Variants in USP31 observed in about 807,000 individuals in gnomAD.
USP31 encodes the protein ubiquitin carboxyl-terminal hydrolase 31.
Under a neutral mutation model 119.4 loss-of-function variants are expected in USP31, and 44 were observed. The ratio of observed to expected loss-of-function variants is 0.37; its 90% CI spans 0.29 to 0.47. USP31 has a LOEUF of 0.47. Ranked by LOEUF, USP31 falls within the 20% of genes least tolerant of loss-of-function variation. The pLI, the probability that USP31 is intolerant of heterozygous loss-of-function variation, is 0.99. For synonymous variants in USP31, 749 were observed against 705.6 expected, an observed-to-expected ratio of 1.06 and a Z score of -0.97; for missense variants, 1,643 against 1,730.2, an observed-to-expected ratio of 0.95 and a Z score of 0.89.
intron 1 of USP31, among the ~76,000 whole-genome samples, chr16:23,131,166 T>C (rs1422533623): frequency 5.3e-5 from 8 of 152,072 alleles, no homozygotes; most frequent in Admixed American, 4.6e-4. Context: ...TATCCAGGCA[T>C]GGTAGTGTGC....
At chr16:23,075,714 T>A (rs557736234) in intron 13 of USP31, among the ~76,000 whole-genome samples, 1 of 152,370 alleles carries the variant, frequency 6.6e-6, no homozygotes, top group African/African-American at 2.4e-5. Context: ...GGCACTGTTC[T>A]AGAATCCTTA....
rs766874067 is a variant in USP31, at chr16:23,108,181, A to C, written c.636T>G (p.Thr212=). The C allele has an allele frequency of 1.2e-6, 2 of 1,608,084 alleles. No homozygotes were observed. The highest frequency in any genetic ancestry group is 3.4e-5 in the Admixed American group (2 of 58,762). ...ACTGCAGTGCATTCTTTGACACAAT[A>C]GTCTATGCAGGTAAATAAATCACCA... ...YTPQHSRDFK[T]IVSKNALQYR... The change falls in exon 2 of 16, where the codon ACT becomes ACG. Residue 212 remains threonine, a splice_region_variant and synonymous_variant. Coordinates refer to ENST00000219689, the MANE Select transcript of USP31 (RefSeq NM_020718.4).
Position 23,066,464 on chromosome 16 carries a change from TGTA to T in USP31, c.*1579_*1581del. 1 of 152,464 alleles carries T rather than the reference TGTA, an allele frequency of 6.6e-6. No individual in the cohort carries two copies. The highest frequency in any genetic ancestry group is 6.5e-5 in the Admixed American group (1 of 15,296). The allele number at this position is 152,464 out of a possible 1,614,324, so 9.4% of individuals were successfully genotyped here. On this transcript the variant is annotated 3_prime_UTR_variant, in exon 16 of 16. Transcript: ENST00000219689. Reference sequence around the variant, plus strand: ...TTCACAGCTATGCATGCATATGTGTTGTAGTTAATTCACACACAGCAATACTGA... The same window carrying T: ...TTCACAGCTATGCATGCATATGTGTTGTTAATTCACACACAGCAATACTGA...
intron 5 of USP31, among the ~76,000 whole-genome samples, chr16:23,104,796 T>C (rs1902023508): frequency 6.6e-6 from 1 of 152,208 alleles, no homozygotes; most frequent in Non-Finnish European, 1.5e-5. Flanking sequence ...AAAATAATAA[T>C]AGTAAATTGA....
chr16:23,084,862 G>A lies in USP31; in HGVS notation c.1828C>T (p.Arg610Trp), dbSNP rs769167013. Residue 610 changes from arginine (R) to tryptophan (W), a missense_variant and splice_region_variant, in exon 11 of 16, where the codon CGG (arginine) becomes TGG (tryptophan). Around this residue, in one of 5 missense-constraint regions of USP31, gnomAD observed 279 missense variants for 372.2 expected, o/e 0.75. Coordinates refer to ENST00000219689, the MANE Select transcript of USP31 (RefSeq NM_020718.4). ...AGAAATGCTGCCCAGTCTCTTACCC[G>A]CTCCTCTTTGGTGTACAGTTGGAAA... ...QCFQLYTKEE[R>W]LAPDDAWRCP... 42 of 1,613,560 alleles carry A rather than the reference G, an allele frequency of 2.6e-5. No individual in the cohort carries two copies. In the Admixed American group the frequency reaches 3.3e-4, roughly 13 times the overall value.
At chr16:23,111,422 A>G (rs1201590194) in intron 1 of USP31, among the ~76,000 whole-genome samples, 1 of 152,160 alleles carries the variant, frequency 6.6e-6, no homozygotes, top group East Asian at 1.9e-4. Context: ...ACCCTGCATC[A>G]AGACAGAAAA....
rs377654817 is a variant in USP31, at chr16:23,146,714, G to A, written c.633+1924C>T. 3.5e-4 allele frequency among the ~76,000 whole-genome samples: 53 copies of A among 152,136 alleles called. 1 individual carries two copies. In the East Asian group the frequency reaches 9.5e-3, roughly 27 times the overall value. On this transcript the variant is annotated intron_variant, in intron 1 of 15. Coordinates refer to ENST00000219689, the MANE Select transcript of USP31 (RefSeq NM_020718.4). ...TATTAAACGGGGAGAGATGCACACT[G>A]GCCATGTAGTTCGTCAGCAAGAAAG...
chr16:23,110,970 T>C (rs1902297050), intron 1 of USP31, among the ~76,000 whole-genome samples: 1 of 151,826 alleles, frequency 6.6e-6, no homozygotes, highest in Non-Finnish European at 1.5e-5. Context: ...CTACTAAAAA[T>C]ACAAAAAATT....
chr16:23,070,557 CA>C (rs1160823617), intron 15 of USP31, among the ~76,000 whole-genome samples: 3 of 151,806 alleles, frequency 2.0e-5, no homozygotes, highest in Non-Finnish European at 4.4e-5. Flanking sequence ...ACTAAAAATA[CA>C]AAAAAATTAG....
chr16:23,086,487 A>C (rs1310506292), intron 9 of USP31, among the ~76,000 whole-genome samples: 1 of 152,166 alleles, frequency 6.6e-6, no homozygotes, highest in African/African-American at 2.4e-5. Context: ...TAGAGTGACT[A>C]ATTCTATGGG....
intron 1 of USP31, among the ~76,000 whole-genome samples, chr16:23,144,610 G>A (rs1403992475): frequency 9.2e-5 from 14 of 152,016 alleles, no homozygotes; most frequent in Non-Finnish European, 5.9e-5. Context: ...CTCCCGAGTA[G>A]CTGGGATTAC....
rs1291809450 is a variant in USP31 at position 23,082,527 on chromosome 16, G to A, written c.1861C>T (p.His621Tyr). 3.1e-6 allele frequency: 5 copies of A among 1,614,112 alleles called. No homozygotes were observed. The highest frequency in any genetic ancestry group is 4.2e-6 in the Non-Finnish European group (5 of 1,180,052). The change falls in exon 12 of 16, where the codon CAC becomes TAC. Residue 621 changes from histidine (H) to tyrosine (Y), a missense_variant. Transcript: ENST00000219689. ...CTTCCCTGCTGCAGCTGCTTACAGT[G>A]TGGGCAACGCCAGGCATCATCGGGG... ...LAPDDAWRCP[H>Y]CKQLQQGSIT...
At chr16:23,087,045 A>G (rs756043638) in intron 9 of USP31, 47 bp downstream of exon 9, 98 of 1,369,310 alleles carry the variant, frequency 7.2e-5, no homozygotes, top group Non-Finnish European at 9.4e-5. Context: ...TCACACATGA[A>G]TATGTGTGAG....
intron 13 of USP31, among the ~76,000 whole-genome samples, chr16:23,078,565 G>C (rs2141837155): frequency 6.6e-6 from 1 of 152,124 alleles, no homozygotes; most frequent in East Asian, 1.9e-4. Flanking sequence ...CTCTGGCTCT[G>C]ATCTCTGCCC....
At chr16:23,084,778 T>C (rs997273001) in intron 11 of USP31, 82 bp downstream of exon 11, 7 of 1,569,446 alleles carry the variant, frequency 4.5e-6, no homozygotes, top group Non-Finnish European at 6.1e-6. Context: ...TTCTGGGGCG[T>C]GATTTGTTTC....
At chr16:23,142,472 G>A (rs1010106278) in intron 1 of USP31, among the ~76,000 whole-genome samples, 4 of 152,190 alleles carry the variant, frequency 2.6e-5, no homozygotes, top group Admixed American at 1.3e-4. Flanking sequence ...GCCCATGTAC[G>A]TGTTATGTTG....
intron 1 of USP31, 27 bp downstream of exon 1, chr16:23,148,611 T>C (rs1366516282): frequency 6.9e-7 from 1 of 1,444,568 alleles, no homozygotes; most frequent in Non-Finnish European, 9.0e-7. Context: ...CGGGGTGCAG[T>C]GGGGGCGCGG....
chr16:23,069,115 G>C lies in USP31; in HGVS notation c.2990C>G (p.Ser997Cys). The change falls in exon 16 of 16, where the codon TCC becomes TGC. Residue 997 changes from serine to cysteine, a missense_variant. Around this residue, in one of 5 missense-constraint regions of USP31, gnomAD observed 699 missense variants for 650.9 expected, o/e 1.07. Transcript: ENST00000219689. ...CTCTTTGACTGGAGAGCTGTCTACG[G>C]AGTCGCTCTGATCCACATAAGCGAT... is the stretch of plus-strand genomic sequence containing the variant. ...NQIAYVDQSD[S>C]VDSSPVKEVK... The C allele has an allele frequency of 6.2e-7, 1 of 1,613,190 alleles. No individual in the cohort carries two copies. The highest frequency in any genetic ancestry group is 1.1e-5 in the South Asian group (1 of 91,084).
intron 1 of USP31, among the ~76,000 whole-genome samples, chr16:23,115,103 G>A (rs368477398): frequency 5.9e-5 from 9 of 152,256 alleles, no homozygotes; most frequent in African/African-American, 2.2e-4. Flanking sequence ...GAGCAGATAA[G>A]ACCCCTGCAT....
Sources: allele counts gnomAD v4.1 joint callset (sites outside exome capture counted in the v4.1 genomes callset), GRCh38; gene constraint gnomAD v4.1.1; regional missense constraint gnomAD v4.1.1; transcripts MANE v1.5; gene names NCBI Gene and HGNC (gene_info 2026-07-23, HGNC 2026-07-21).